Variants in MSRA observed in about 807,000 individuals in gnomAD.
MSRA encodes the protein mitochondrial peptide methionine sulfoxide reductase.
In MSRA, 54 loss-of-function variants were observed where a neutral mutation model predicts 31.3. That is an observed-to-expected ratio of 1.73 (90% CI 1.39 to 2.17). The LOEUF (loss-of-function observed/expected upper bound fraction) is 2.17, where lower values mean the gene tolerates loss of function less well. Ranked by LOEUF, MSRA falls within the 30% of genes most tolerant of loss-of-function variation. The pLI is 0.00. For missense variants in MSRA, 507 were observed against 300.9 expected (o/e 1.69, Z -5.07); for synonymous variants, 169 against 116.5 (o/e 1.45, Z -2.90).
At chr8:10,375,048 C>T (rs754790554) in intron 5 of MSRA, among the ~76,000 whole-genome samples, 2 of 152,192 alleles carry the variant, frequency 1.3e-5, no homozygotes, top group Non-Finnish European at 2.9e-5. Flanking sequence ...CAAACAGATG[C>T]TGGTGCTATG....
chr8:10,212,249 C>T lies in MSRA; in HGVS notation c.211+4348C>T, dbSNP rs184385490. Among the ~76,000 whole-genome samples, 9 of 151,880 alleles carry T rather than the reference C, an allele frequency of 5.9e-5. No homozygotes were observed. The East Asian group carries it at 1.5e-3, about 26-fold the overall frequency. On this transcript the variant is annotated intron_variant, in intron 2 of 5. Transcript: ENST00000317173. ...TAAATTTGTCATCCAAACTAGGATA[C>T]ATTCGAGAGTAAAAAGAGTGCTGTG...
At chr8:10,353,072 C>T (rs1056121893) in intron 5 of MSRA, among the ~76,000 whole-genome samples, 2 of 152,060 alleles carry the variant, frequency 1.3e-5, no homozygotes, top group Admixed American at 6.5e-5. Context: ...AGAGAGCATT[C>T]CAGTCCCTTT....
At chr8:10,199,869 CACA>C (rs1032649911) in intron 1 of MSRA, among the ~76,000 whole-genome samples, 1 of 152,014 alleles carries the variant, frequency 6.6e-6, no homozygotes, top group Non-Finnish European at 1.5e-5. Context: ...ATCTTTGCCC[CACA>C]ACACTAACTC....
chr8:10,246,263 T>A (rs937036288), intron 3 of MSRA, among the ~76,000 whole-genome samples: 2 of 152,124 alleles, frequency 1.3e-5, no homozygotes, highest in Non-Finnish European at 2.9e-5. Flanking sequence ...AGGAAAAAAA[T>A]TTGCTGACCT....
At position 10,428,186 on chromosome 8, in the gene MSRA, C is replaced by T. The variant is rs1269748028; in HGVS notation, c.582C>T (p.Asp194=). ...SEHGFGPITT[D]IREGQTFYYA... ...ACGGCTTCGGCCCCATCACTACCGACATCCGGGAGGGACAGACTTTCTACT... is the reference window on the plus strand; with the variant it reads ...ACGGCTTCGGCCCCATCACTACCGATATCCGGGAGGGACAGACTTTCTACT... The change falls in exon 6 of 6, where the codon GAC becomes GAT. Residue 194 remains aspartate (D), a synonymous_variant. Coordinates refer to ENST00000317173, the MANE Select transcript of MSRA (RefSeq NM_012331.5). 2.5e-6 allele frequency: 4 copies of T among 1,614,126 alleles called. No homozygotes were observed. Among genetic ancestry groups the T allele is most frequent in the Admixed American group, 3.3e-5 (2 of 60,006 alleles).
chr8:10,426,520 G>A (rs1014579125), intron 5 of MSRA, among the ~76,000 whole-genome samples: 2 of 152,204 alleles, frequency 1.3e-5, no homozygotes, highest in South Asian at 2.1e-4. Flanking sequence ...TCACAGCTGC[G>A]CCCTGCAAAG....
chr8:10,107,985 C>G (rs924870952), intron 1 of MSRA, among the ~76,000 whole-genome samples: 1 of 152,166 alleles, frequency 6.6e-6, no homozygotes, highest in African/African-American at 2.4e-5. Flanking sequence ...CCAGCTGTCC[C>G]TTCCCACCAA....
chr8:10,108,573 C>G (rs1800052110), intron 1 of MSRA, among the ~76,000 whole-genome samples: 1 of 152,174 alleles, frequency 6.6e-6, no homozygotes, highest in Admixed American at 6.5e-5. Context: ...AAGGCACTGT[C>G]ATATTATTCA....
intron 1 of MSRA, among the ~76,000 whole-genome samples, chr8:10,127,572 G>C (rs149642973): frequency 2.4e-3 from 368 of 152,296 alleles, no homozygotes; most frequent in Admixed American, 4.4e-3. Flanking sequence ...GATGAAATGA[G>C]TGGAGGATGA....
At chr8:10,056,986 C>T (rs572156933) in intron 1 of MSRA, among the ~76,000 whole-genome samples, 1 of 152,302 alleles carries the variant, frequency 6.6e-6, no homozygotes, top group South Asian at 2.1e-4. Flanking sequence ...TTAAGGATTA[C>T]CATCTTAGCG....
chr8:10,263,417 C>T (rs527903694), intron 3 of MSRA, among the ~76,000 whole-genome samples: 1 of 152,212 alleles, frequency 6.6e-6, no homozygotes, highest in African/African-American at 2.4e-5. Context: ...GGAAAAAAGA[C>T]TACATCATTC....
rs116748146 is a variant in MSRA, at chr8:10,359,978, C to A, written c.543+39989C>A. Among the ~76,000 whole-genome samples, 589 of 152,308 alleles carry A rather than the reference C, an allele frequency of 3.9e-3. 8 individuals are homozygous for A. Among genetic ancestry groups the A allele is most frequent in the African/African-American group, 0.014 (564 of 41,566 alleles). ...CCCTCCTCCACTTTTACCTGGCCAACCTCCTTCCTTTATCTCTGTTATTTC... is the reference window on the plus strand; with the variant it reads ...CCCTCCTCCACTTTTACCTGGCCAAACTCCTTCCTTTATCTCTGTTATTTC... On this transcript the variant is annotated intron_variant, in intron 5 of 5. Coordinates refer to ENST00000317173, the MANE Select transcript of MSRA (RefSeq NM_012331.5).
intron 5 of MSRA, among the ~76,000 whole-genome samples, chr8:10,346,470 A>C (rs761882883): frequency 1.6e-4 from 24 of 152,134 alleles, no homozygotes; most frequent in Non-Finnish European, 2.9e-4. Context: ...TCACATGCTG[A>C]TATGGAAATA....
In MSRA at chr8:10,207,889, A is replaced by G. The variant is rs1448786706; in HGVS notation, c.199A>G (p.Met67Val). 2 of 1,612,402 alleles carry G rather than the reference A, an allele frequency of 1.2e-6. No individual in the cohort carries two copies. Among genetic ancestry groups the G allele is most frequent in the African/African-American group, 2.7e-5 (2 of 74,848 alleles). ...CGAACCTTTCCCAGAGGGAACACAG[A>G]TGGCTGTATTTGGTAAGATATCAAT... ...TVEPFPEGTQ[M>V]AVFGMGCFWG... The change falls in exon 2 of 6, where the codon ATG becomes GTG. Residue 67 changes from methionine to valine, a missense_variant. Physicochemically the swap from Met to Val is conservative, Grantham distance 21. Transcript: ENST00000317173.
chr8:10,180,629 C>T (rs773838958), intron 1 of MSRA, among the ~76,000 whole-genome samples: 3 of 152,166 alleles, frequency 2.0e-5, no homozygotes, highest in Non-Finnish European at 2.9e-5. Context: ...GCTCCCCTTA[C>T]CCCCATCACT....
chr8:10,141,144 C>T (rs1378282114), intron 1 of MSRA, among the ~76,000 whole-genome samples: 1 of 152,158 alleles, frequency 6.6e-6, no homozygotes, highest in African/African-American at 2.4e-5. Context: ...CATCCACTGG[C>T]CACCAGCGTA....
At chr8:10,391,381 G>C (rs1434829580) in intron 5 of MSRA, among the ~76,000 whole-genome samples, 2 of 152,222 alleles carry the variant, frequency 1.3e-5, no homozygotes, top group Non-Finnish European at 2.9e-5. Context: ...ATTGGCCCTG[G>C]ATAGGGGAGG....
At chr8:10,273,802 C>T (rs1309154654) in intron 3 of MSRA, among the ~76,000 whole-genome samples, 1 of 150,224 alleles carries the variant, frequency 6.7e-6, no homozygotes. Context: ...CAAACTATTC[C>T]AATTACTTCA....
chr8:10,380,883 G>T (rs1439308833), intron 5 of MSRA, among the ~76,000 whole-genome samples: 2 of 150,612 alleles, frequency 1.3e-5, no homozygotes, highest in Non-Finnish European at 3.0e-5. Flanking sequence ...GGGTGGGTGG[G>T]TAGATGGATG....
Sources: gnomAD v4.1 joint callset for allele counts (sites outside exome capture counted in the v4.1 genomes callset) on GRCh38, gnomAD v4.1.1 for gene constraint, MANE v1.5 for transcripts, NCBI Gene and HGNC (gene_info 2026-07-23, HGNC 2026-07-21) for gene names.